Variants in WWOX observed in about 807,000 individuals in gnomAD.
WWOX encodes WW domain containing oxidoreductase.
Under a neutral mutation model 46.2 loss-of-function variants are expected in WWOX, and 69 were observed. That is an observed-to-expected ratio of 1.49 (90% CI 1.23 to 1.82). WWOX has a LOEUF of 1.82. Ranked by LOEUF, WWOX falls within the 40% of genes most tolerant of loss-of-function variation. The pLI is 0.00. For missense variants in WWOX, 919 were observed against 542.6 expected (o/e 1.69, Z -6.89); for synonymous variants, 359 against 202.6 (o/e 1.77, Z -6.56).
intron 8 of WWOX, chr16:78,996,264 C>A (rs80205998): frequency 0.26 from 251,272 of 984,036 alleles, 33,627 homozygotes; most frequent in East Asian, 0.67. Flanking sequence ...GAGCCAGACC[C>A]CTTTTCAGCT....
intron 8 of WWOX, among the ~76,000 whole-genome samples, chr16:78,751,948 C>T (rs565674907): frequency 6.6e-6 from 1 of 152,252 alleles, no homozygotes; most frequent in Non-Finnish European, 1.5e-5. Flanking sequence ...TCTTCTGGTG[C>T]CTCCACGTGG....
At chr16:78,759,137 A>AT (rs1293412223) in intron 8 of WWOX, among the ~76,000 whole-genome samples, 2 of 151,942 alleles carry the variant, frequency 1.3e-5, no homozygotes, top group Non-Finnish European at 2.9e-5. Context: ...GATCTGTGCA[A>AT]TTTTTTCAGT....
intron 8 of WWOX, among the ~76,000 whole-genome samples, chr16:78,916,564 A>G (rs1289817186): frequency 6.6e-6 from 1 of 152,228 alleles, no homozygotes; most frequent in African/African-American, 2.4e-5. Context: ...TACTTCTGAG[A>G]GAGAAATGAG....
chr16:78,543,301 G>T (rs988680108), intron 8 of WWOX, among the ~76,000 whole-genome samples: 1 of 126,282 alleles, frequency 7.9e-6, no homozygotes, highest in Non-Finnish European at 1.8e-5. Flanking sequence ...GGCCAGTCAC[G>T]TGGCCCTGAA....
intron 8 of WWOX, among the ~76,000 whole-genome samples, chr16:78,870,901 C>G (rs761007959): frequency 3.0e-4 from 46 of 152,290 alleles, no homozygotes; most frequent in Middle Eastern, 3.4e-3. Context: ...CATGCCCGGC[C>G]TAATCTAATC....
At chr16:78,194,033 G>A (rs1264440324) in intron 5 of WWOX, among the ~76,000 whole-genome samples, 3 of 150,148 alleles carry the variant, frequency 2.0e-5, no homozygotes, top group African/African-American at 2.5e-5. Context: ...GCCCACCACC[G>A]AGCCCGGCTA....
chr16:78,232,843 T>TTTCTC (rs1369501028), intron 5 of WWOX, among the ~76,000 whole-genome samples: 2 of 151,832 alleles, frequency 1.3e-5, no homozygotes, highest in African/African-American at 2.4e-5. Context: ...TTTTCTTTCT[T>TTTCTC]TTCTTTTCTT....
intron 5 of WWOX, among the ~76,000 whole-genome samples, chr16:78,373,048 C>G (rs866342923): frequency 1.3e-5 from 2 of 152,152 alleles, no homozygotes; most frequent in Admixed American, 6.5e-5. Flanking sequence ...ACTTTTTCAA[C>G]TCTGTAATGT....
intron 8 of WWOX, among the ~76,000 whole-genome samples, chr16:78,880,364 T>G (rs1160410288): frequency 6.6e-6 from 1 of 152,264 alleles, no homozygotes; most frequent in Admixed American, 6.5e-5. Flanking sequence ...GCATCCTGTT[T>G]TCTTTCGTGT....
chr16:78,138,675 C>T (rs1198116883), intron 4 of WWOX, among the ~76,000 whole-genome samples: 4 of 152,180 alleles, frequency 2.6e-5, no homozygotes, highest in Admixed American at 6.5e-5. Flanking sequence ...GACAGCCCAC[C>T]CTGAGAAGTC....
intron 8 of WWOX, among the ~76,000 whole-genome samples, chr16:78,716,241 A>T (rs893588304): frequency 2.0e-5 from 3 of 152,098 alleles, no homozygotes; most frequent in African/African-American, 7.2e-5. Flanking sequence ...AAATTGTGCT[A>T]TCATGAACGG....
intron 8 of WWOX, among the ~76,000 whole-genome samples, chr16:78,936,037 T>C (rs962591619): frequency 6.6e-6 from 1 of 151,402 alleles, no homozygotes; most frequent in Non-Finnish European, 1.5e-5. Flanking sequence ...GTTTGGAGAG[T>C]AGGAGTGAAA....
chr16:78,771,524 C>T (rs2050064339), intron 8 of WWOX, among the ~76,000 whole-genome samples: 1 of 152,118 alleles, frequency 6.6e-6, no homozygotes, highest in African/African-American at 2.4e-5. Flanking sequence ...GTAATCCCAG[C>T]ACTTTGGGAG....
At chr16:78,960,955 G>A (rs1401016178) in intron 8 of WWOX, among the ~76,000 whole-genome samples, 1 of 152,124 alleles carries the variant, frequency 6.6e-6, no homozygotes, top group Non-Finnish European at 1.5e-5. Context: ...TTAGCTTTCT[G>A]GAAAGAGAAG....
chr16:78,471,690 C>T (rs921567457), intron 8 of WWOX, among the ~76,000 whole-genome samples: 6 of 152,136 alleles, frequency 3.9e-5, no homozygotes, highest in African/African-American at 1.2e-4. Flanking sequence ...ATTTGGGCCA[C>T]ATTGGTTGGA....
chr16:78,633,554 G>A (rs964491189), intron 8 of WWOX, among the ~76,000 whole-genome samples: 1 of 152,206 alleles, frequency 6.6e-6, no homozygotes, highest in Non-Finnish European at 1.5e-5. Flanking sequence ...ACCTTTCACT[G>A]TGCGGGTTTC....
At chr16:78,823,238 C>A (rs1398696906) in intron 8 of WWOX, among the ~76,000 whole-genome samples, 1 of 152,178 alleles carries the variant, frequency 6.6e-6, no homozygotes, top group African/African-American at 2.4e-5. Context: ...ATAGAAATGC[C>A]TTAATGATGC....
chr16:79,052,486 T>A (rs1247560219), intron 8 of WWOX, among the ~76,000 whole-genome samples: 1 of 152,182 alleles, frequency 6.6e-6, no homozygotes, highest in African/African-American at 2.4e-5. Flanking sequence ...TGCACACATA[T>A]GTTTATTGCG....
chr16:78,170,727 T>C (rs2035129498), intron 5 of WWOX, among the ~76,000 whole-genome samples: 1 of 152,252 alleles, frequency 6.6e-6, no homozygotes, highest in African/African-American at 2.4e-5. Context: ...CTTTTGTATT[T>C]ACAAAGAAAT....
Sources: allele counts gnomAD v4.1 joint callset (sites outside exome capture counted in the v4.1 genomes callset), GRCh38; gene constraint gnomAD v4.1.1; transcripts MANE v1.5; gene names NCBI Gene and HGNC (gene_info 2026-07-23, HGNC 2026-07-21).